Variants in ARNT2 observed in about 807,000 individuals in gnomAD.
The protein encoded by ARNT2 is ARNT protein 2.
Under a neutral mutation model 91.7 loss-of-function variants are expected in ARNT2, and 36 were observed. That is an observed-to-expected ratio of 0.39 (90% confidence interval 0.30 to 0.52). The LOEUF (loss-of-function observed/expected upper bound fraction) is 0.52, where lower values mean the gene tolerates loss of function less well. Ranked by LOEUF, ARNT2 falls within the 20% of genes least tolerant of loss-of-function variation. The pLI is 0.72. For missense variants in ARNT2, 775 were observed against 939.3 expected (o/e 0.83, Z 2.29); for synonymous variants, 365 against 347.1 (o/e 1.05, Z -0.57).
At chr15:80,425,190 G>A (rs550557165) in intron 1 of ARNT2, among the ~76,000 whole-genome samples, 30 of 152,166 alleles carry the variant, frequency 2.0e-4, no homozygotes, top group African/African-American at 7.2e-4. Context: ...ACATATCTCC[G>A]AGTAGCTCAC....
chr15:80,448,511 T>C (rs1015058324), intron 1 of ARNT2, among the ~76,000 whole-genome samples: 1 of 152,252 alleles, frequency 6.6e-6, no homozygotes, highest in Non-Finnish European at 1.5e-5. Context: ...TGGGGAGCTT[T>C]ACTTTTTTCA....
intron 1 of ARNT2, among the ~76,000 whole-genome samples, chr15:80,441,959 G>A (rs778370033): frequency 6.6e-6 from 1 of 152,170 alleles, no homozygotes; most frequent in Non-Finnish European, 1.5e-5. Flanking sequence ...TTCCTGAGGG[G>A]ATATTTGCAT....
intron 6 of ARNT2, among the ~76,000 whole-genome samples, chr15:80,508,702 G>A (rs989388098): frequency 2.0e-5 from 3 of 152,244 alleles, no homozygotes; most frequent in Non-Finnish European, 2.9e-5. Flanking sequence ...AAATGTAAAT[G>A]TCTGGGTTCC....
At chr15:80,446,262 G>A (rs1053942247) in intron 1 of ARNT2, among the ~76,000 whole-genome samples, 1 of 152,052 alleles carries the variant, frequency 6.6e-6, no homozygotes, top group East Asian at 1.9e-4. Flanking sequence ...CAGAGGAGAA[G>A]GAACATTTCT....
intron 8 of ARNT2, among the ~76,000 whole-genome samples, chr15:80,531,968 A>C (rs1897747947): frequency 6.6e-6 from 1 of 152,130 alleles, no homozygotes; most frequent in Non-Finnish European, 1.5e-5. Flanking sequence ...GCCACAGAAG[A>C]AGCCAGCTCG....
chr15:80,411,201 G>A (rs1895676272), intron 1 of ARNT2, among the ~76,000 whole-genome samples: 1 of 152,234 alleles, frequency 6.6e-6, no homozygotes, highest in South Asian at 2.1e-4. Context: ...GCCCCATAAA[G>A]CTGTACTTTG....
At chr15:80,445,462 G>A (rs767871866) in intron 1 of ARNT2, among the ~76,000 whole-genome samples, 6 of 148,806 alleles carry the variant, frequency 4.0e-5, no homozygotes, top group Non-Finnish European at 6.0e-5. Context: ...GTGTGTTGAT[G>A]TGAGTGACGT....
At chr15:80,508,118 G>C in intron 5 of ARNT2, 38 bp from the exon 6 acceptor site, 1 of 1,607,404 alleles carries the variant, frequency 6.2e-7, no homozygotes. Context: ...CCCAACCGAA[G>C]GCAGAGGCTT....
chr15:80,483,227 G>A (rs1665386719), intron 5 of ARNT2, among the ~76,000 whole-genome samples: 1 of 152,184 alleles, frequency 6.6e-6, no homozygotes, highest in South Asian at 2.1e-4. Context: ...ATTTTAATAG[G>A]ATTCCCGAGG....
chr15:80,581,093 G>A, intron 16 of ARNT2, 146 bp from the exon 17 acceptor site: 2 of 978,530 alleles, frequency 2.0e-6, no homozygotes, highest in Non-Finnish European at 3.1e-6. Context: ...CTGATCCCAG[G>A]CCTGTGCCTA....
chr15:80,546,383 T>C (rs76410420), intron 8 of ARNT2, among the ~76,000 whole-genome samples: 441 of 152,330 alleles, frequency 2.9e-3, no homozygotes, highest in African/African-American at 0.01. Context: ...CAGAGCCATG[T>C]CAGTTGAACA....
chr15:80,544,547 G>A (rs1897960760), intron 8 of ARNT2, among the ~76,000 whole-genome samples: 1 of 152,150 alleles, frequency 6.6e-6, no homozygotes, highest in Non-Finnish European at 1.5e-5. Context: ...TAACTCCATT[G>A]TGATTTAAAA....
chr15:80,479,926 G>A (rs918667022), intron 5 of ARNT2, among the ~76,000 whole-genome samples: 1 of 151,670 alleles, frequency 6.6e-6, no homozygotes, highest in African/African-American at 2.4e-5. Context: ...GAAATCAGGT[G>A]CTGTCTGTCA....
intron 4 of ARNT2, among the ~76,000 whole-genome samples, chr15:80,473,922 A>G (rs1566982134): frequency 6.6e-6 from 1 of 152,224 alleles, no homozygotes; most frequent in Admixed American, 6.5e-5. Context: ...AAAGATTGCC[A>G]GCCAAAAGAT....
chr15:80,413,852 A>G (rs1244847624), intron 1 of ARNT2, among the ~76,000 whole-genome samples: 3 of 152,078 alleles, frequency 2.0e-5, no homozygotes, highest in South Asian at 2.1e-4. Context: ...GGCCTTCCAT[A>G]TACTCTGCCT....
intron 1 of ARNT2, among the ~76,000 whole-genome samples, chr15:80,435,722 G>A (rs1282634048): frequency 2.6e-5 from 4 of 152,284 alleles, no homozygotes; most frequent in East Asian, 1.9e-4. Flanking sequence ...TGAAATGGCC[G>A]TGGATCACTT....
intron 8 of ARNT2, among the ~76,000 whole-genome samples, chr15:80,549,546 C>G (rs1898047236): frequency 6.6e-6 from 1 of 152,096 alleles, no homozygotes; most frequent in Non-Finnish European, 1.5e-5. Context: ...GAGACAGAAG[C>G]AGACAATTCA....
chr15:80,533,622 A>T (rs1897776827), intron 8 of ARNT2, among the ~76,000 whole-genome samples: 1 of 152,238 alleles, frequency 6.6e-6, no homozygotes, highest in African/African-American at 2.4e-5. Context: ...GAAGCATGTC[A>T]TGGTTTCTGT....
chr15:80,548,416 A>G (rs1898025221), intron 8 of ARNT2, among the ~76,000 whole-genome samples: 1 of 152,214 alleles, frequency 6.6e-6, no homozygotes, highest in East Asian at 1.9e-4. Context: ...ATTCACAATT[A>G]TAATAGACAT....
Sources: gnomAD v4.1 joint callset for allele counts (sites outside exome capture counted in the v4.1 genomes callset) on GRCh38, gnomAD v4.1.1 for gene constraint, MANE v1.5 for transcripts, NCBI Gene and HGNC (gene_info 2026-07-23, HGNC 2026-07-21) for gene names.